COL26A1: variants seen among roughly 807,000 people sequenced by gnomAD.
COL26A1 encodes collagen type XXVI alpha 1 chain.
COL26A1 carries 41 observed loss-of-function variants against 59.3 expected under a neutral mutation model. The ratio of observed to expected loss-of-function variants is 0.69; its 90% CI spans 0.54 to 0.90. The LOEUF (loss-of-function observed/expected upper bound fraction) is 0.90, where lower values mean the gene tolerates loss of function less well. COL26A1 is among the 40% of genes least tolerant of loss of function. The probability of loss-of-function intolerance (pLI) is 0.00; values close to 1 mark genes in which losing one functional copy is unlikely to be tolerated. For synonymous variants in COL26A1, 266 were observed against 256.0 expected (o/e 1.04, Z -0.37); for missense variants, 612 against 602.3 (o/e 1.02, Z -0.17).
intron 4 of COL26A1, among the ~76,000 whole-genome samples, chr7:101,537,686 G>T (rs566364215): frequency 6.6e-6 from 1 of 152,286 alleles, no homozygotes; most frequent in African/African-American, 2.4e-5. Flanking sequence ...TGGCTGGCAG[G>T]TCACTTCGGG....
chr7:101,526,791 G>C (rs946697785), intron 3 of COL26A1, among the ~76,000 whole-genome samples: 1 of 152,212 alleles, frequency 6.6e-6, no homozygotes, highest in African/African-American at 2.4e-5. Flanking sequence ...CAAGAGTGAA[G>C]AGTCCTGGAG....
chr7:101,387,917 G>T (rs1225950581), intron 1 of COL26A1, among the ~76,000 whole-genome samples: 1 of 150,816 alleles, frequency 6.6e-6, no homozygotes, highest in Non-Finnish European at 1.5e-5. Context: ...CTATAGGCAT[G>T]CGCCACCATA....
chr7:101,478,718 A>G (rs1046386307), intron 3 of COL26A1, among the ~76,000 whole-genome samples: 7 of 152,194 alleles, frequency 4.6e-5, no homozygotes, highest in Admixed American at 6.6e-5. Context: ...GGTATCCTGT[A>G]TGCGTTTTCT....
chr7:101,400,717 C>A (rs1018506197), intron 1 of COL26A1, among the ~76,000 whole-genome samples: 1 of 152,060 alleles, frequency 6.6e-6, no homozygotes, highest in African/African-American at 2.4e-5. Flanking sequence ...CATCACCATG[C>A]CCAGCTAAGT....
rs188192297 is a variant in COL26A1, at chr7:101,416,587, T to C, written c.159-3390T>C. Among the ~76,000 whole-genome samples the C allele has an allele frequency of 5.6e-5, 8 of 144,060 alleles. No individual in the cohort carries two copies. The East Asian group carries it at 1.5e-3, about 28-fold the overall frequency. The allele number at this position is 144,060 out of a possible 152,430, so 94.5% of individuals were successfully genotyped here. A position where few individuals can be genotyped will look rare whatever the true frequency, so the allele number is the denominator to read the frequency against. ...CTCTAGGTCCCTTGTTGCCTGTTTC[T>C]GCCTGTTTTCCATCTCCTTTTCTTT... On this transcript the variant is annotated intron_variant, in intron 1 of 12. Coordinates refer to ENST00000313669, the MANE Select transcript of COL26A1 (RefSeq NM_001278563.3).
At chr7:101,365,960 G>A (rs1451106516) in intron 1 of COL26A1, among the ~76,000 whole-genome samples, 1 of 152,160 alleles carries the variant, frequency 6.6e-6, no homozygotes, top group African/African-American at 2.4e-5. Flanking sequence ...AAACTTGGAA[G>A]GGATCATTTT....
intron 12 of COL26A1, 94 bp from the exon 13 acceptor site, chr7:101,557,272 GGCAA>G: frequency 1.6e-6 from 2 of 1,287,152 alleles, no homozygotes; most frequent in Admixed American, 4.7e-5. Flanking sequence ...CTCCACGCTG[GGCAA>G]GAGCATCTCT....
chr7:101,545,991 A>G (rs1795726696), intron 7 of COL26A1, among the ~76,000 whole-genome samples: 1 of 152,226 alleles, frequency 6.6e-6, no homozygotes, highest in African/African-American at 2.4e-5. Context: ...GATTTTAGCC[A>G]CTGGGGACAC....
chr7:101,431,837 G>C (rs1158002744), intron 2 of COL26A1, among the ~76,000 whole-genome samples: 1 of 151,972 alleles, frequency 6.6e-6, no homozygotes, highest in Non-Finnish European at 1.5e-5. Context: ...TGTTGCCCAG[G>C]CTGGGGTGCA....
chr7:101,497,751 T>G (rs529179737), intron 3 of COL26A1, among the ~76,000 whole-genome samples: 1 of 152,018 alleles, frequency 6.6e-6, no homozygotes, highest in East Asian at 1.9e-4. Context: ...CAGCCCAAGG[T>G]GGAAGGATCA....
intron 3 of COL26A1, among the ~76,000 whole-genome samples, chr7:101,468,294 T>G (rs1451119642): frequency 6.7e-6 from 1 of 149,696 alleles, no homozygotes; most frequent in South Asian, 2.1e-4. Context: ...AGAGCAAGAC[T>G]CAGTCTCAAA....
intron 11 of COL26A1, among the ~76,000 whole-genome samples, chr7:101,554,486 C>T (rs1427206314): frequency 6.8e-6 from 1 of 148,034 alleles, no homozygotes; most frequent in Non-Finnish European, 1.5e-5. Context: ...AATCCCAGCA[C>T]TTTGGGAGGC....
At chr7:101,467,711 C>CA (rs1479984817) in intron 3 of COL26A1, among the ~76,000 whole-genome samples, 1 of 151,940 alleles carries the variant, frequency 6.6e-6, no homozygotes, top group African/African-American at 2.4e-5. Flanking sequence ...ACTAAAAATA[C>CA]AAAAAATTAG....
intron 1 of COL26A1, among the ~76,000 whole-genome samples, chr7:101,414,417 G>GCTCTCA: frequency 7.0e-6 from 1 of 143,372 alleles, no homozygotes; most frequent in African/African-American, 2.6e-5. Flanking sequence ...GCTCGCTCTC[G>GCTCTCA]CTCTCACTCT....
chr7:101,538,316 C>A (rs1271600320), intron 4 of COL26A1, among the ~76,000 whole-genome samples: 2 of 152,208 alleles, frequency 1.3e-5, no homozygotes, highest in African/African-American at 4.8e-5. Flanking sequence ...AGCCAGCTGT[C>A]CCCGCTCTCT....
At chr7:101,484,252 CT>C (rs1794220868) in intron 3 of COL26A1, among the ~76,000 whole-genome samples, 1 of 152,110 alleles carries the variant, frequency 6.6e-6, no homozygotes, top group Admixed American at 6.6e-5. Flanking sequence ...GGTAGCTTTG[CT>C]GATGGAGAAA....
intron 9 of COL26A1, among the ~76,000 whole-genome samples, chr7:101,549,601 C>T (rs1027627925): frequency 2.0e-5 from 3 of 152,084 alleles, no homozygotes; most frequent in Non-Finnish European, 4.4e-5. Context: ...AGGCTGGTCT[C>T]GAACATCCGA....
At position 101,383,116 on chromosome 7, in the gene COL26A1, T is replaced by C. The variant is rs186606360; in HGVS notation, c.158+19926T>C. On this transcript the variant is annotated intron_variant, in intron 1 of 12. Coordinates refer to ENST00000313669, the MANE Select transcript of COL26A1 (RefSeq NM_001278563.3). ...TTTAGGAACATGTCCTGCTGCTCCA[T>C]TGACTCAGAGTTTTTTAGACTTAGG... Among the ~76,000 whole-genome samples, 6 of 151,500 alleles carry C rather than the reference T, an allele frequency of 4.0e-5. No individual in the cohort carries two copies. The East Asian group carries it at 1.2e-3, about 29-fold the overall frequency.
At chr7:101,398,577 A>C (rs1791913368) in intron 1 of COL26A1, among the ~76,000 whole-genome samples, 1 of 152,166 alleles carries the variant, frequency 6.6e-6, no homozygotes, top group Admixed American at 6.5e-5. Context: ...CCTGACCTGC[A>C]ATAATGGCAA....
Sources: allele counts gnomAD v4.1 joint callset (sites outside exome capture counted in the v4.1 genomes callset), GRCh38; gene constraint gnomAD v4.1.1; transcripts MANE v1.5; gene names NCBI Gene and HGNC (gene_info 2026-07-23, HGNC 2026-07-21).